The following STX8 variants were observed in gnomAD, a reference collection of about 807,000 sequenced individuals.
STX8 encodes syntaxin 8, also known as syntaxin-8.
A neutral mutation model predicts 37.5 loss-of-function variants in STX8; 23 were observed. That is an observed-to-expected ratio of 0.61 (90% CI 0.44 to 0.87). STX8 has a LOEUF of 0.87. Among genes scored for constraint, STX8 ranks in the 40% least tolerant of loss-of-function variants. STX8 has a pLI of 0.00. For synonymous variants in STX8, 115 were observed against 99.1 expected (o/e 1.16, Z -0.95); for missense variants, 313 against 284.7 (o/e 1.10, Z -0.71).
At chr17:9,496,791 G>A (rs1904421982) in intron 5 of STX8, among the ~76,000 whole-genome samples, 1 of 152,140 alleles carries the variant, frequency 6.6e-6, no homozygotes, top group Non-Finnish European at 1.5e-5. Flanking sequence ...GGGTCAGAGA[G>A]AGATAACTTA....
chr17:9,489,837 C>G (rs947516702), intron 6 of STX8, among the ~76,000 whole-genome samples: 1 of 151,964 alleles, frequency 6.6e-6, no homozygotes, highest in Non-Finnish European at 1.5e-5. Context: ...TACACGCATA[C>G]AACACCATGC....
At chr17:9,476,843 G>C (rs543382256) in intron 6 of STX8, among the ~76,000 whole-genome samples, 3 of 151,754 alleles carry the variant, frequency 2.0e-5, no homozygotes, top group Non-Finnish European at 2.9e-5. Flanking sequence ...TGTCCCACGT[G>C]CCTCTTTTTC....
At chr17:9,428,578 C>G (rs989663405) in intron 6 of STX8, among the ~76,000 whole-genome samples, 1 of 152,146 alleles carries the variant, frequency 6.6e-6, no homozygotes, top group African/African-American at 2.4e-5. Flanking sequence ...TGTGTTCACC[C>G]TGAGTGGATC....
At chr17:9,390,491 C>T (rs1184483527) in intron 6 of STX8, among the ~76,000 whole-genome samples, 10 of 148,942 alleles carry the variant, frequency 6.7e-5, no homozygotes, top group South Asian at 4.2e-4. Context: ...CATTGCACTA[C>T]GGCCTGGACA....
chr17:9,541,277 A>C (rs572252381), intron 4 of STX8, among the ~76,000 whole-genome samples: 1 of 149,824 alleles, frequency 6.7e-6, no homozygotes, highest in Non-Finnish European at 1.5e-5. Context: ...AGGGAAGCAG[A>C]CACGGAACAA....
chr17:9,568,529 C>T (rs1907550080), intron 1 of STX8, 59 bp from the exon 2 acceptor site: 1 of 1,430,014 alleles, frequency 7.0e-7, no homozygotes, highest in Non-Finnish European at 9.6e-7. Flanking sequence ...GAGACGGAGT[C>T]TCGCTCTGTC....
At chr17:9,550,553 G>A (rs562661121) in intron 3 of STX8, among the ~76,000 whole-genome samples, 2 of 151,674 alleles carry the variant, frequency 1.3e-5, no homozygotes, top group East Asian at 2.0e-4. Context: ...GAGCCTGGGT[G>A]ACACAGCGAG....
chr17:9,542,416 G>A (rs557363589), intron 4 of STX8, among the ~76,000 whole-genome samples: 10 of 152,032 alleles, frequency 6.6e-5, no homozygotes, highest in African/African-American at 7.2e-5. Flanking sequence ...TGTGGCTCAC[G>A]CCTGTAATCC....
intron 7 of STX8, among the ~76,000 whole-genome samples, chr17:9,356,200 A>T (rs1377505246): frequency 6.6e-6 from 1 of 152,196 alleles, no homozygotes; most frequent in Non-Finnish European, 1.5e-5. Flanking sequence ...TCCTTCCAGT[A>T]GCTCAGTGTG....
intron 3 of STX8, among the ~76,000 whole-genome samples, chr17:9,545,915 A>G (rs752004595): frequency 2.0e-5 from 3 of 152,118 alleles, no homozygotes; most frequent in African/African-American, 4.8e-5. Context: ...TCTCCTGCCA[A>G]TGGTGCAACC....
At chr17:9,356,567 C>T (rs1910886195) in intron 7 of STX8, among the ~76,000 whole-genome samples, 1 of 152,184 alleles carries the variant, frequency 6.6e-6, no homozygotes, top group African/African-American at 2.4e-5. Context: ...CCCCTGCCAG[C>T]TGGCTTCCTG....
chr17:9,563,162 T>C (rs1907314815), intron 2 of STX8, among the ~76,000 whole-genome samples: 1 of 136,122 alleles, frequency 7.3e-6, no homozygotes. Flanking sequence ...CATTTATTTA[T>C]TTATTTATTT....
intron 6 of STX8, among the ~76,000 whole-genome samples, chr17:9,381,842 G>A (rs1016673162): frequency 1.3e-5 from 2 of 152,108 alleles, no homozygotes; most frequent in Non-Finnish European, 2.9e-5. Flanking sequence ...GGTGGCGTGC[G>A]CCTGTAATTC....
At chr17:9,569,507 G>C in intron 1 of STX8, 1 of 154,240 alleles carries the variant, frequency 6.5e-6, no homozygotes, top group Non-Finnish European at 1.5e-5. Flanking sequence ...CCTGACATCT[G>C]AGCTTGCCAG....
chr17:9,319,693 C>G (rs1031738147), intron 7 of STX8, among the ~76,000 whole-genome samples: 1 of 151,788 alleles, frequency 6.6e-6, no homozygotes, highest in Non-Finnish European at 1.5e-5. Context: ...TGGCTCACAC[C>G]TGTAATCCCA....
At chr17:9,259,041 A>G (rs1261682141) in intron 7 of STX8, among the ~76,000 whole-genome samples, 2 of 142,650 alleles carry the variant, frequency 1.4e-5, no homozygotes, top group African/African-American at 4.8e-5. Context: ...TCCTCAGGCC[A>G]TAGAATCTCC....
intron 7 of STX8, among the ~76,000 whole-genome samples, chr17:9,349,605 A>AG (rs1286497394): frequency 6.6e-6 from 1 of 152,170 alleles, no homozygotes; most frequent in Non-Finnish European, 1.5e-5. Context: ...TACAGGCATT[A>AG]GCCACCACGC....
chr17:9,252,013 T>A (rs11869111), intron 7 of STX8, among the ~76,000 whole-genome samples: 25,242 of 148,538 alleles, frequency 0.17, 2,060 homozygotes, highest in African/African-American at 0.2. Context: ...AAAATATATT[T>A]AAAAAAATAG....
At chr17:9,371,696 A>T (rs1911406779) in intron 7 of STX8, among the ~76,000 whole-genome samples, 1 of 151,352 alleles carries the variant, frequency 6.6e-6, no homozygotes, top group Non-Finnish European at 1.5e-5. Context: ...TGCTGATACC[A>T]AATATGTTCA....
Sources: allele counts gnomAD v4.1 joint callset (sites outside exome capture counted in the v4.1 genomes callset), GRCh38; gene constraint gnomAD v4.1.1; transcripts MANE v1.5; gene names NCBI Gene and HGNC (gene_info 2026-07-23, HGNC 2026-07-21).